ZNF704: variants seen among roughly 807,000 people sequenced by gnomAD.
ZNF704 encodes the protein zinc finger protein 704.
A neutral mutation model predicts 44.7 loss-of-function variants in ZNF704; 10 were observed. The observed-to-expected ratio is 0.22, with a 90% CI of 0.14 to 0.38. ZNF704 has a LOEUF of 0.38. Among genes scored for constraint, ZNF704 ranks in the 10% least tolerant of loss-of-function variants. The pLI, the probability that ZNF704 is intolerant of heterozygous loss-of-function variation, is 1.00. For missense variants in ZNF704, 390 were observed against 545.5 expected (o/e 0.71, Z 2.84); for synonymous variants, 211 against 207.6 (o/e 1.02, Z -0.14).
chr8:80,685,344 G>C (rs1818518054), intron 4 of ZNF704, among the ~76,000 whole-genome samples: 1 of 152,042 alleles, frequency 6.6e-6, no homozygotes. Flanking sequence ...TCATTAATGT[G>C]CCTTAAATAA....
chr8:80,852,965 CT>C (rs1808895500), intron 1 of ZNF704, among the ~76,000 whole-genome samples: 2 of 152,156 alleles, frequency 1.3e-5, no homozygotes, highest in African/African-American at 4.8e-5. Context: ...CACTCAAGCA[CT>C]GTTAGGTTGC....
At chr8:80,755,643 T>C (rs1807022143) in intron 2 of ZNF704, among the ~76,000 whole-genome samples, 1 of 152,158 alleles carries the variant, frequency 6.6e-6, no homozygotes, top group South Asian at 2.1e-4. Flanking sequence ...GCATCTATGG[T>C]GCTTCCCTGC....
intron 1 of ZNF704, among the ~76,000 whole-genome samples, chr8:80,836,440 CT>C (rs1436673113): frequency 6.6e-6 from 1 of 152,112 alleles, no homozygotes; most frequent in African/African-American, 2.4e-5. Flanking sequence ...CAATGTTCCC[CT>C]CTCCCTCCTC....
intron 2 of ZNF704, among the ~76,000 whole-genome samples, chr8:80,708,060 T>C (rs1818924113): frequency 6.6e-6 from 1 of 152,272 alleles, no homozygotes; most frequent in African/African-American, 2.4e-5. Flanking sequence ...TACCAATATA[T>C]GTTTCTGTCA....
intron 4 of ZNF704, chr8:80,673,233 A>G (rs1818310645): frequency 6.6e-6 from 1 of 152,206 alleles, no homozygotes; most frequent in East Asian, 1.9e-4. Context: ...ATGCAGGTTC[A>G]CCGACTTCCT....
chr8:80,826,213 C>A (rs1451921829), intron 1 of ZNF704, among the ~76,000 whole-genome samples: 2 of 152,056 alleles, frequency 1.3e-5, no homozygotes, highest in Admixed American at 6.5e-5. Context: ...AGAGAAGAAT[C>A]AAATAGACAC....
intron 6 of ZNF704, 102 bp downstream of exon 6, chr8:80,664,713 T>A (rs1323691698): frequency 7.7e-6 from 11 of 1,421,478 alleles, no homozygotes; most frequent in Non-Finnish European, 9.8e-6. Context: ...CTGCCGTGTG[T>A]GATGCTGTTT....
At chr8:80,683,849 A>G (rs926688848) in intron 4 of ZNF704, among the ~76,000 whole-genome samples, 1 of 152,358 alleles carries the variant, frequency 6.6e-6, no homozygotes, top group Admixed American at 6.5e-5. Context: ...TAAGTGGAAC[A>G]TGGATCTCCA....
At chr8:80,684,228 C>G (rs1350456015) in intron 4 of ZNF704, among the ~76,000 whole-genome samples, 1 of 152,182 alleles carries the variant, frequency 6.6e-6, no homozygotes, top group Admixed American at 6.5e-5. Context: ...ATTGTATTAT[C>G]TCTTTATAAC....
intron 1 of ZNF704, among the ~76,000 whole-genome samples, chr8:80,822,161 T>C (rs147831559): frequency 0.058 from 8,855 of 152,274 alleles, 285 homozygotes; most frequent in Middle Eastern, 0.13. Flanking sequence ...AGGGTAAATG[T>C]GCACAACGTG....
chr8:80,767,773 G>A (rs1225373019), intron 2 of ZNF704, among the ~76,000 whole-genome samples: 1 of 152,026 alleles, frequency 6.6e-6, no homozygotes, highest in African/African-American at 2.4e-5. Context: ...AATTCACTTC[G>A]CTCTACTCAG....
chr8:80,783,642 C>G (rs1321595261), intron 2 of ZNF704, among the ~76,000 whole-genome samples: 2 of 152,108 alleles, frequency 1.3e-5, no homozygotes, highest in Non-Finnish European at 2.9e-5. Context: ...GAGGAAAGTA[C>G]AGAAAGTTCC....
chr8:80,769,241 T>C (rs554394472), intron 2 of ZNF704, among the ~76,000 whole-genome samples: 17 of 152,324 alleles, frequency 1.1e-4, no homozygotes, highest in African/African-American at 3.8e-4. Flanking sequence ...GAGGCCCACT[T>C]ACTCAGCAAT....
rs1232325217 is a variant in ZNF704 at position 80,741,739 on chromosome 8, C to T, written c.222-48632G>A. Reference sequence around the variant, plus strand: ...AACAGGTGATTGCTCAAACCTACGCCGCTCGAGGGGACCTTCTAGAGGTTC... The same window carrying T: ...AACAGGTGATTGCTCAAACCTACGCTGCTCGAGGGGACCTTCTAGAGGTTC... On this transcript the variant is annotated intron_variant, in intron 2 of 8. Transcript: ENST00000327835. Among the ~76,000 whole-genome samples, 5 of 152,250 alleles carry T rather than the reference C, an allele frequency of 3.3e-5. No individual in the cohort carries two copies. The South Asian group carries it at 6.2e-4, about 19-fold the overall frequency.
intron 1 of ZNF704, among the ~76,000 whole-genome samples, chr8:80,850,507 C>T (rs560628572): frequency 8.5e-5 from 13 of 152,224 alleles, no homozygotes; most frequent in African/African-American, 3.1e-4. Flanking sequence ...GCACTAACAC[C>T]AGGCTCCACC....
intron 1 of ZNF704, among the ~76,000 whole-genome samples, chr8:80,843,304 T>C (rs1292021177): frequency 1.3e-5 from 2 of 152,234 alleles, no homozygotes; most frequent in East Asian, 3.8e-4. Flanking sequence ...CTGACAGCCC[T>C]AGCACAAGAA....
intron 1 of ZNF704, among the ~76,000 whole-genome samples, chr8:80,845,784 A>C (rs2129980789): frequency 6.6e-6 from 1 of 152,278 alleles, no homozygotes; most frequent in South Asian, 2.1e-4. Context: ...TGAGCGATGC[A>C]AGAGTCCCTG....
the ZNF704 span, among the ~76,000 whole-genome samples, chr8:80,879,783 T>C: frequency 6.6e-6 from 1 of 152,316 alleles, no homozygotes; most frequent in Non-Finnish European, 1.5e-5. Flanking sequence ...TGATAATTGT[T>C]CAATCTAAGA....
At chr8:80,830,278 A>C (rs1258831575) in intron 1 of ZNF704, among the ~76,000 whole-genome samples, 2 of 152,212 alleles carry the variant, frequency 1.3e-5, no homozygotes, top group African/African-American at 4.8e-5. Flanking sequence ...GGAAGGGATA[A>C]GCAAGGACTG....
Sources: allele counts gnomAD v4.1 joint callset (sites outside exome capture counted in the v4.1 genomes callset), GRCh38; gene constraint gnomAD v4.1.1; transcripts MANE v1.5; gene names NCBI Gene and HGNC (gene_info 2026-07-23, HGNC 2026-07-21).